Variants in CHIC2 observed in about 807,000 individuals in gnomAD.
CHIC2 encodes cysteine-rich hydrophobic domain-containing protein 2.
A neutral mutation model predicts 25.9 loss-of-function variants in CHIC2; 14 were observed. That is an observed-to-expected ratio of 0.54 (90% CI 0.36 to 0.85). The LOEUF (loss-of-function observed/expected upper bound fraction) is 0.85. Ranked by LOEUF, CHIC2 falls within the 40% of genes least tolerant of loss-of-function variation. The pLI is 0.01. For missense variants in CHIC2, 146 were observed against 202.0 expected (o/e 0.72, Z 1.68); for synonymous variants, 70 against 72.0 (o/e 0.97, Z 0.14).
At chr4:54,071,875 T>C in the CHIC2 span, among the ~76,000 whole-genome samples, 2 of 152,232 alleles carry the variant, frequency 1.3e-5, no homozygotes, top group Non-Finnish European at 2.9e-5. Context: ...TTTCATACCA[T>C]GTGTACACAT....
chr4:54,036,585 A>AC (rs1716392211), intron 3 of CHIC2, among the ~76,000 whole-genome samples: 1 of 152,122 alleles, frequency 6.6e-6, no homozygotes, highest in Non-Finnish European at 1.5e-5. Flanking sequence ...ACGAGGCCCT[A>AC]CCTCCAACAC....
At chr4:54,060,072 T>C (rs1490860373) in intron 1 of CHIC2, 1 of 152,222 alleles carries the variant, frequency 6.6e-6, no homozygotes, top group Admixed American at 6.5e-5. Flanking sequence ...GGTCTCTTAC[T>C]GCTAACCACA....
At chr4:54,070,579 C>T in the CHIC2 span, among the ~76,000 whole-genome samples, 1 of 152,060 alleles carries the variant, frequency 6.6e-6, no homozygotes, top group Admixed American at 6.6e-5. Flanking sequence ...TGCACCAGCA[C>T]GCCTGGCTGA....
At chr4:54,050,273 G>T (rs1716965054) in intron 1 of CHIC2, among the ~76,000 whole-genome samples, 1 of 151,990 alleles carries the variant, frequency 6.6e-6, no homozygotes, top group African/African-American at 2.4e-5. Flanking sequence ...TTTGAAGGGG[G>T]GACTCCAACT....
At chr4:54,028,011 A>C (rs892978903) in intron 3 of CHIC2, among the ~76,000 whole-genome samples, 1 of 152,186 alleles carries the variant, frequency 6.6e-6, no homozygotes, top group Non-Finnish European at 1.5e-5. Flanking sequence ...TTTTTCTCCT[A>C]TACCCACTTT....
At chr4:54,033,099 G>A (rs1716283906) in intron 3 of CHIC2, among the ~76,000 whole-genome samples, 1 of 152,188 alleles carries the variant, frequency 6.6e-6, no homozygotes, top group Non-Finnish European at 1.5e-5. Context: ...CAGAAGCTGA[G>A]CAGATGCCAG....
At chr4:54,087,532 GC>G in the CHIC2 span, 9 of 1,163,640 alleles carry the variant, frequency 7.7e-6, no homozygotes, top group African/African-American at 4.8e-5. Flanking sequence ...AATTTGAGAG[GC>G]CCCTGTATGC....
intron 3 of CHIC2, among the ~76,000 whole-genome samples, chr4:54,025,652 A>G (rs1233722936): frequency 1.3e-5 from 2 of 152,044 alleles, no homozygotes; most frequent in East Asian, 1.9e-4. Context: ...TGAGCCTAGA[A>G]GTTCGAGACC....
At chr4:54,083,808 G>A in the CHIC2 span, among the ~76,000 whole-genome samples, 7 of 151,984 alleles carry the variant, frequency 4.6e-5, no homozygotes, top group African/African-American at 1.7e-4. Flanking sequence ...TCAATTTTCT[G>A]CTTAGCATCC....
At chr4:54,067,101 A>C (rs952678588), upstream of CHIC2, among the ~76,000 whole-genome samples, 2 of 152,214 alleles carry the variant, frequency 1.3e-5, no homozygotes, top group African/African-American at 4.8e-5. Context: ...TCTTTCCAGA[A>C]CACTGTGACT....
At chr4:54,028,090 G>GA (rs1716117132) in intron 3 of CHIC2, among the ~76,000 whole-genome samples, 1 of 151,822 alleles carries the variant, frequency 6.6e-6, no homozygotes, top group African/African-American at 2.4e-5. Flanking sequence ...TAAATATTAA[G>GA]AAAAAATACT....
intron 1 of CHIC2, among the ~76,000 whole-genome samples, chr4:54,053,353 T>C (rs977731220): frequency 6.6e-6 from 1 of 152,074 alleles, no homozygotes; most frequent in Non-Finnish European, 1.5e-5. Flanking sequence ...GGTCAGGAGT[T>C]CGAGACCAAC....
chr4:54,087,170 G>A, the CHIC2 span: 74 of 739,196 alleles, frequency 1.0e-4, no homozygotes, highest in South Asian at 1.0e-3. Flanking sequence ...GAGGACTCCT[G>A]GAAACAGATA....
At chr4:54,029,958 A>G (rs780680792) in intron 3 of CHIC2, among the ~76,000 whole-genome samples, 11 of 152,188 alleles carry the variant, frequency 7.2e-5, no homozygotes, top group Non-Finnish European at 8.8e-5. Context: ...TCTCAACACT[A>G]CTATACCCCT....
chr4:54,014,540 T>G (rs910048222), intron 3 of CHIC2, among the ~76,000 whole-genome samples: 2 of 152,024 alleles, frequency 1.3e-5, no homozygotes, highest in African/African-American at 4.8e-5. Flanking sequence ...AACAAAAAAT[T>G]GGAATATTAA....
chr4:54,045,029 A>G (rs1199084879), intron 3 of CHIC2, among the ~76,000 whole-genome samples: 1 of 152,258 alleles, frequency 6.6e-6, no homozygotes, highest in African/African-American at 2.4e-5. Context: ...ACCTCTACGC[A>G]AATAAACTAC....
intron 1 of CHIC2, among the ~76,000 whole-genome samples, chr4:54,058,796 A>G (rs1717251465): frequency 6.6e-6 from 1 of 152,206 alleles, no homozygotes; most frequent in East Asian, 1.9e-4. Context: ...ACCTGTTGAC[A>G]GTATAAACTC....
At chr4:54,053,556 CAAA>C (rs59889546) in intron 1 of CHIC2, among the ~76,000 whole-genome samples, 9 of 73,970 alleles carry the variant, frequency 1.2e-4, no homozygotes, top group Non-Finnish European at 1.9e-4. Context: ...GACTCAGTCT[CAAA>C]AAAAAAAAAA....
At position 54,064,034 on chromosome 4, in the gene CHIC2, G is replaced by GAAAAT; in HGVS notation, c.119+143_119+147dup. 6.0e-6 allele frequency: 4 copies of GAAAAT among 669,514 alleles called. No homozygotes were observed. The highest frequency in any genetic ancestry group is 1.0e-5 in the Non-Finnish European group (4 of 390,854). 41.5% of individuals were successfully genotyped at this position (669,514 alleles called of 1,614,324 possible). A position where few individuals can be genotyped will look rare whatever the true frequency, so the allele number is the denominator to read the frequency against. ...CCCCACTTCGGAGACCCAAACAAAT[G>GAAAAT]AAAATAAGCCAAGTTCTCACTTCCT... On this transcript the variant is annotated intron_variant, in intron 1 of 5. Coordinates refer to ENST00000263921, the MANE Select transcript of CHIC2 (RefSeq NM_012110.4). The surrounding 1 kb of genome is among the most constrained non-coding windows in gnomAD (Gnocchi z 4.2).
Sources: gnomAD v4.1 joint callset for allele counts (sites outside exome capture counted in the v4.1 genomes callset) on GRCh38, gnomAD v4.1.1 for gene constraint, Gnocchi (gnomAD v3.1) non-coding constraint, MANE v1.5 for transcripts, NCBI Gene and HGNC (gene_info 2026-07-23, HGNC 2026-07-21) for gene names.